Variants in TMEM242 observed in about 807,000 individuals in gnomAD.
The protein encoded by TMEM242 is UPF0463 transmembrane protein C6orf35.
A neutral mutation model predicts 18.2 loss-of-function variants in TMEM242; 10 were observed. That is an observed-to-expected ratio of 0.55 (90% CI 0.34 to 0.93). The LOEUF (loss-of-function observed/expected upper bound fraction) is 0.93. Among genes scored for constraint, TMEM242 ranks in the 40% least tolerant of loss-of-function variants. TMEM242 has a pLI of 0.02. For synonymous variants in TMEM242, 57 were observed against 69.9 expected, an observed-to-expected ratio of 0.81 and a Z score of 0.92; for missense variants, 186 against 175.5, an observed-to-expected ratio of 1.06 and a Z score of -0.34.
chr6:157,311,012 AGT>A (rs1778040645), intron 3 of TMEM242, among the ~76,000 whole-genome samples: 1 of 614 alleles, frequency 1.6e-3, no homozygotes, highest in African/African-American at 0.012. Flanking sequence ...CCCAGTGTGC[AGT>A]CACCTAGCCT....
intron 3 of TMEM242, among the ~76,000 whole-genome samples, chr6:157,307,096 CA>C (rs1422775199): frequency 1.4e-4 from 21 of 152,146 alleles, no homozygotes; most frequent in African/African-American, 5.1e-4. Flanking sequence ...ACTAATCAAT[CA>C]TAAGTAACTT....
At chr6:157,296,443 T>C (rs1382069476) in intron 3 of TMEM242, among the ~76,000 whole-genome samples, 1 of 152,106 alleles carries the variant, frequency 6.6e-6, no homozygotes, top group East Asian at 1.9e-4. Context: ...TCTCAACACT[T>C]TGGGAGGCCT....
Position 157,305,387 on chromosome 6 carries a change from G to C in TMEM242, c.328-12388C>G, listed in dbSNP as rs1777896249. 6.6e-6 allele frequency among the ~76,000 whole-genome samples: 1 copy of C among 152,158 alleles called. No homozygotes were observed. Among genetic ancestry groups the C allele is most frequent in the South Asian group, 2.1e-4 (1 of 4,824 alleles). On this transcript the variant is annotated intron_variant, in intron 3 of 3. Transcript: ENST00000400788. The surrounding 1 kb of genome is among the most constrained non-coding windows in gnomAD (Gnocchi z 4.1). The stretch of plus-strand genomic sequence containing the variant: ...ATTTACGGAATGGGGAAGACCAAGG[G>C]AGGAGCAAGTTGGGAATAAAGTGAG...
chr6:157,322,717 T>C lies in TMEM242; in HGVS notation c.177A>G (p.Glu59=), dbSNP rs781906294. The C allele has an allele frequency of 6.2e-7, 1 of 1,613,762 alleles. No individual in the cohort carries two copies. Among genetic ancestry groups the C allele is most frequent in the Non-Finnish European group, 8.5e-7 (1 of 1,179,818 alleles). Residue 59 remains glutamate (E), a synonymous_variant, in exon 2 of 4, where the codon GAA becomes GAG. Coordinates refer to ENST00000400788, the MANE Select transcript of TMEM242 (RefSeq NM_018452.6). ...CAGTGTCACCAACCTTATTGAACCA[T>C]TCAGGGCTTTTCTTTTTAGCCAATG... The part of the protein sequence containing the change: ...TLSLAKKKSP[E]WFNKGSMATA...
chr6:157,322,723 G>T lies in TMEM242; in HGVS notation c.171C>A (p.Ser57Arg). 1 of 1,613,694 alleles carries T rather than the reference G, an allele frequency of 6.2e-7. No homozygotes were observed. Among genetic ancestry groups the T allele is most frequent in the Non-Finnish European group, 8.5e-7 (1 of 1,179,854 alleles). ...ITTLSLAKKK[S>R]PEWFNKGSMA... is the part of the protein sequence containing the mutation. ...CACCAACCTTATTGAACCATTCAGG[G>T]CTTTTCTTTTTAGCCAATGATAATG... Residue 57 changes from serine (S) to arginine (R), a missense_variant, in exon 2 of 4, where the codon AGC becomes AGA. By Grantham distance (110) the Ser-to-Arg change is moderately radical. Transcript: ENST00000400788.
In TMEM242 at chr6:157,297,808, G is replaced by A. The variant is rs4591883; in HGVS notation, c.328-4809C>T. ...GAGATGAAATGTATTTGAACATACC[G>A]TATTATTAAATATTCAACTGCATTA... On this transcript the variant is annotated intron_variant, in intron 3 of 3. Transcript: ENST00000400788. Among the ~76,000 whole-genome samples, 1,069 of 152,252 alleles carry A rather than the reference G, an allele frequency of 7.0e-3. 14 individuals are homozygous for A. Among genetic ancestry groups the A allele is most frequent in the African/African-American group, 0.024 (1,015 of 41,538 alleles).
intron 2 of TMEM242, 21 bp downstream of exon 2, chr6:157,322,684 A>C: frequency 6.3e-7 from 1 of 1,594,458 alleles, no homozygotes; most frequent in Non-Finnish European, 8.6e-7. Context: ...AATGCTATGA[A>C]TGGATTTCAG....
At chr6:157,312,150 CAT>C (rs1778159068) in intron 3 of TMEM242, among the ~76,000 whole-genome samples, 1 of 132,448 alleles carries the variant, frequency 7.6e-6, no homozygotes, top group Non-Finnish European at 1.6e-5. Flanking sequence ...CTGGCCTCAT[CAT>C]AGTGTCCCAG....
At chr6:157,311,428 G>GA (rs1778089416) in intron 3 of TMEM242, among the ~76,000 whole-genome samples, 2 of 3,658 alleles carry the variant, frequency 5.5e-4, no homozygotes, top group East Asian at 6.1e-3. Flanking sequence ...GCACGCATAC[G>GA]GCCTCATCAT....
chr6:157,315,866 C>T (rs782412405), intron 3 of TMEM242, among the ~76,000 whole-genome samples: 7 of 152,128 alleles, frequency 4.6e-5, no homozygotes, highest in African/African-American at 1.7e-4. Context: ...AAATGATATA[C>T]CACTGTGTGA....
At chr6:157,316,988 C>T (rs1007062895) in intron 3 of TMEM242, among the ~76,000 whole-genome samples, 2 of 152,176 alleles carry the variant, frequency 1.3e-5, no homozygotes, top group Non-Finnish European at 2.9e-5. Context: ...TGTTTGTTTA[C>T]GATTAAACTA....
chr6:157,299,394 T>C (rs1777795480), intron 3 of TMEM242: 5 of 1,238,848 alleles, frequency 4.0e-6, no homozygotes, highest in Non-Finnish European at 5.9e-6. Flanking sequence ...ACACCAGCTA[T>C]GTTCACTCCA....
chr6:157,318,982 G>A, intron 2 of TMEM242, 63 bp from the exon 3 acceptor site: 1 of 1,474,884 alleles, frequency 6.8e-7, no homozygotes, highest in Non-Finnish European at 9.0e-7. Flanking sequence ...GCATTCTGGG[G>A]GTGTTTGCAA....
intron 3 of TMEM242, among the ~76,000 whole-genome samples, chr6:157,300,914 T>A (rs1196432893): frequency 6.6e-6 from 1 of 152,202 alleles, no homozygotes; most frequent in African/African-American, 2.4e-5. Flanking sequence ...AATGCATAAA[T>A]CAGATTATTG....
At chr6:157,319,476 A>C (rs587600407) in intron 2 of TMEM242, among the ~76,000 whole-genome samples, 1 of 152,360 alleles carries the variant, frequency 6.6e-6, no homozygotes, top group South Asian at 2.1e-4. Flanking sequence ...GATCGACCAA[A>C]GAAGCTCAAG....
chr6:157,292,614 A>G lies in TMEM242; in HGVS notation c.*287T>C. On this transcript the variant is annotated 3_prime_UTR_variant, in exon 4 of 4. Transcript: ENST00000400788. ...CTTTTTTAGTATGAAATTTGCTTCA[A>G]CTGTTACAAACAGAATCATTTCCTA... The G allele has an allele frequency of 3.5e-6, 1 of 283,952 alleles. No homozygotes were observed. The highest frequency in any genetic ancestry group is 1.0e-3 in the Middle Eastern group (1 of 986). The allele number at this position is 283,952 out of a possible 1,614,324, so 17.6% of individuals were successfully genotyped here.
chr6:157,300,159 G>A (rs1191892861), intron 3 of TMEM242: 5 of 558,482 alleles, frequency 9.0e-6, no homozygotes, highest in Non-Finnish European at 1.3e-5. Flanking sequence ...GGGAGAGAAT[G>A]GAAGAAAACT....
intron 1 of TMEM242, among the ~76,000 whole-genome samples, 163 bp from the exon 2 acceptor site, chr6:157,322,968 G>T (rs1554250835): frequency 6.6e-6 from 1 of 152,186 alleles, no homozygotes; most frequent in South Asian, 2.1e-4. Context: ...AACAGTAAAT[G>T]ACAGCGGCTG....
Position 157,306,359 on chromosome 6 carries a change from G to T in TMEM242, c.327+12423C>A, listed in dbSNP as rs189123766. 2.0e-5 allele frequency among the ~76,000 whole-genome samples: 3 copies of T among 152,354 alleles called. No individual in the cohort carries two copies. In the East Asian group the frequency reaches 5.8e-4, roughly 29 times the overall value. On this transcript the variant is annotated intron_variant, in intron 3 of 3. Transcript: ENST00000400788. ...CAAGAAGGTGCCATCAACTATAGTG[G>T]CTGTGGGGGTCAGGGAAAAGCAAGA...
Sources: gnomAD v4.1 joint callset for allele counts (sites outside exome capture counted in the v4.1 genomes callset) on GRCh38, gnomAD v4.1.1 for gene constraint, Gnocchi (gnomAD v3.1) non-coding constraint, MANE v1.5 for transcripts, NCBI Gene and HGNC (gene_info 2026-07-23, HGNC 2026-07-21) for gene names.